Variants in DNAH8 observed in about 807,000 individuals in gnomAD.
DNAH8 encodes dynein axonemal heavy chain 8.
Under a neutral mutation model 562.1 loss-of-function variants are expected in DNAH8, and 382 were observed. That is an observed-to-expected ratio of 0.68 (90% CI 0.63 to 0.74). The LOEUF is 0.74. DNAH8 is among the 30% of genes least tolerant of loss of function. DNAH8 has a pLI of 0.00. For missense variants in DNAH8, 5,203 were observed against 5,620.4 expected, an observed-to-expected ratio of 0.93 and a Z score of 2.37; for synonymous variants, 1,881 against 1,919.4, an observed-to-expected ratio of 0.98 and a Z score of 0.52.
chr6:38,829,764 T>C (rs1332004140), intron 30 of DNAH8, among the ~76,000 whole-genome samples: 20 of 152,158 alleles, frequency 1.3e-4, no homozygotes, highest in Non-Finnish European at 1.5e-5. Context: ...AAAAAGAAAA[T>C]AGTGGCAAAA....
At chr6:39,025,192 A>ATCTGGCAAACTCCTATGTAGCTC (rs1361194967) in intron 91 of DNAH8, among the ~76,000 whole-genome samples, 37 of 152,282 alleles carry the variant, frequency 2.4e-4, no homozygotes, top group African/African-American at 8.7e-4. Flanking sequence ...GAATTGCCCC[A>ATCTGGCAAACTCCTATGTAGCTC]TCTGGCAAAC....
At chr6:38,823,713 A>G (rs1474767007) in intron 28 of DNAH8, 25 bp downstream of exon 28, 4 of 1,547,470 alleles carry the variant, frequency 2.6e-6, no homozygotes, top group African/African-American at 1.4e-5. Flanking sequence ...TTTATTATGT[A>G]AAGTATCTGT....
chr6:38,881,732 G>A (rs1019088085), intron 53 of DNAH8, among the ~76,000 whole-genome samples: 2 of 151,962 alleles, frequency 1.3e-5, no homozygotes, highest in Non-Finnish European at 2.9e-5. Flanking sequence ...TGTATTTTTA[G>A]TAGAGACAGG....
intron 5 of DNAH8, 130 bp downstream of exon 5, chr6:38,734,755 C>T: frequency 2.0e-6 from 2 of 1,008,756 alleles, no homozygotes; most frequent in Non-Finnish European, 2.8e-6. Flanking sequence ...TAAATGTATT[C>T]ATATATTAAA....
At chr6:38,747,021 A>G (rs962588006) in intron 8 of DNAH8, among the ~76,000 whole-genome samples, 1 of 152,176 alleles carries the variant, frequency 6.6e-6, no homozygotes, top group Non-Finnish European at 1.5e-5. Context: ...TTATTTCTTT[A>G]TACTTTATTC....
rs562269758 is a variant in DNAH8, at chr6:38,915,747, A to G, written c.10140+370A>G. 4.6e-5 allele frequency among the ~76,000 whole-genome samples: 7 copies of G among 152,258 alleles called. No homozygotes were observed. The East Asian group carries it at 7.7e-4, about 17-fold the overall frequency. On this transcript the variant is annotated intron_variant, in intron 68 of 92. Coordinates refer to ENST00000327475, the MANE Select transcript of DNAH8 (RefSeq NM_001206927.2). ...CTGTGGTTCCCACTGCTCTTAGGAT[A>G]AAGTCCTGAGCTAGACATCCACAGC...
rs573022869 is a variant in DNAH8, at chr6:38,898,354, A to G, written c.9037A>G (p.Lys3013Glu). The stretch of plus-strand genomic sequence containing the variant: ...AACATCTCTTGATCTGGTGTTTTTT[A>G]AAGATGCAATGACTCATCTTATTAA... ...RGTSLDLVFF[K>E]DAMTHLIKIS... The change falls in exon 61 of 93, where the codon AAA becomes GAA. Residue 3013 changes from lysine to glutamate, a missense_variant. Physicochemically the swap from Lys to Glu is moderately conservative, Grantham distance 56. Coordinates refer to ENST00000327475, the MANE Select transcript of DNAH8 (RefSeq NM_001206927.2). The G allele has an allele frequency of 6.9e-6, 11 of 1,585,068 alleles. No individual in the cohort carries two copies. In the South Asian group the frequency reaches 9.6e-5, roughly 14 times the overall value.
Position 38,911,484 on chromosome 6 carries a change from CAT to C in DNAH8, c.9758_9759del (p.His3253ArgfsTer14), listed in dbSNP as rs1174620504. ...TGCTTTCAGATACCGCCGAAGAGCA[CAT>C]GTGACTCCCAAATCTTACCTCTCAT... ...SYFQRYRRRA[H>X]VTPKSYLSFI... On this transcript the variant is annotated frameshift_variant, in exon 66 of 93. Coordinates refer to ENST00000327475, the MANE Select transcript of DNAH8 (RefSeq NM_001206927.2). LOFTEE classifies it high-confidence loss of function. 27 of 1,612,950 alleles carry C rather than the reference CAT, an allele frequency of 1.7e-5. No individual in the cohort carries two copies. The highest frequency in any genetic ancestry group is 2.2e-5 in the Non-Finnish European group (26 of 1,178,994).
At chr6:38,788,946 A>C (rs1769441552) in intron 18 of DNAH8, among the ~76,000 whole-genome samples, 1 of 152,154 alleles carries the variant, frequency 6.6e-6, no homozygotes. Context: ...TTTGAAAAAA[A>C]CTGGAGTAAC....
chr6:38,791,787 T>TG (rs967997834), intron 21 of DNAH8, 113 bp downstream of exon 21: 182 of 1,106,844 alleles, frequency 1.6e-4, no homozygotes, highest in Admixed American at 2.5e-4. Context: ...GACTTTTTTT[T>TG]TTTGTTTTTT....
In DNAH8 at chr6:38,906,311, T is replaced by A. The variant is rs2150520392; in HGVS notation, c.9252T>A (p.Gly3084=). 1.9e-6 allele frequency: 3 copies of A among 1,610,088 alleles called. No homozygotes were observed. The highest frequency in any genetic ancestry group is 2.5e-6 in the Non-Finnish European group (3 of 1,177,390). ...DDLKALYKVA[G]ADGKGITFIF... ...TAAAAGCTTTGTACAAAGTTGCTGG[T>A]GCTGATGGAAAAGGCATCACTTTCA... Residue 3084 remains glycine (G), a synonymous_variant, in exon 63 of 93, where the codon GGT becomes GGA. Transcript: ENST00000327475.
At chr6:38,723,970 T>A (rs1314640321) in intron 3 of DNAH8, among the ~76,000 whole-genome samples, 2 of 142,196 alleles carry the variant, frequency 1.4e-5, no homozygotes, top group African/African-American at 5.0e-5. Context: ...TCTTTTTAAA[T>A]TTAATTAATT....
intron 88 of DNAH8, among the ~76,000 whole-genome samples, chr6:38,996,800 T>G (rs1765160726): frequency 6.6e-6 from 1 of 152,162 alleles, no homozygotes; most frequent in Non-Finnish European, 1.5e-5. Flanking sequence ...ACGGTGAGCC[T>G]TCTGTGTTTT....
At chr6:38,864,187 T>A in intron 45 of DNAH8, 127 bp downstream of exon 45, 1 of 850,806 alleles carries the variant, frequency 1.2e-6, no homozygotes, top group Non-Finnish European at 1.8e-6. Flanking sequence ...TCTTACCATA[T>A]GATTTTTTTT....
intron 86 of DNAH8, 149 bp from the exon 87 acceptor site, chr6:38,984,057 G>T (rs1189197513): frequency 1.8e-6 from 1 of 546,302 alleles, no homozygotes; most frequent in African/African-American, 1.9e-5. Context: ...AATAGTGAAA[G>T]AGTTATTAAT....
chr6:38,918,121 G>A lies in DNAH8; in HGVS notation c.10505G>A (p.Arg3502Lys). ...LAMAIFYGIN[R>K]EVLPLKANLA... ...ATGGCAATATTTTATGGCATCAATA[G>A]AGAAGTGTTGCCTCTGAAGGTAAAA... The change falls in exon 70 of 93, where the codon AGA (arginine) becomes AAA (lysine). Residue 3502 changes from arginine to lysine, a missense_variant. Transcript: ENST00000327475. The A allele has an allele frequency of 6.2e-7, 1 of 1,610,002 alleles. No individual in the cohort carries two copies. The highest frequency in any genetic ancestry group is 8.5e-7 in the Non-Finnish European group (1 of 1,178,044).
At chr6:38,715,948 A>ATTTTTTT (rs1282494098) in intron 1 of DNAH8, among the ~76,000 whole-genome samples, 1 of 28,220 alleles carries the variant, frequency 3.5e-5, no homozygotes, top group African/African-American at 2.1e-4. Flanking sequence ...ATATATATAT[A>ATTTTTTT]TATATATATA....
chr6:38,757,525 A>T (rs1320358634), intron 10 of DNAH8, among the ~76,000 whole-genome samples: 1 of 152,114 alleles, frequency 6.6e-6, no homozygotes, highest in Non-Finnish European at 1.5e-5. Context: ...CTTTAGTTCA[A>T]TTAGATCCCA....
At chr6:38,849,395 T>C (rs989173849) in intron 37 of DNAH8, among the ~76,000 whole-genome samples, 1 of 152,112 alleles carries the variant, frequency 6.6e-6, no homozygotes, top group African/African-American at 2.4e-5. Context: ...ACAAAACCTT[T>C]AAAACAGCTC....
Sources: allele counts gnomAD v4.1 joint callset (sites outside exome capture counted in the v4.1 genomes callset), GRCh38; gene constraint gnomAD v4.1.1; transcripts MANE v1.5; gene names NCBI Gene and HGNC (gene_info 2026-07-23, HGNC 2026-07-21).